AVEN: variants seen among roughly 807,000 people sequenced by gnomAD.
AVEN encodes apoptosis and caspase activation inhibitor, also known as cell death regulator Aven.
A neutral mutation model predicts 38.1 loss-of-function variants in AVEN; 41 were observed. The ratio of observed to expected loss-of-function variants is 1.08; its 90% confidence interval spans 0.84 to 1.40. The LOEUF is 1.40. AVEN is among the 40% of genes most tolerant of loss of function. AVEN has a pLI of 0.00. For missense variants in AVEN, 605 were observed against 438.8 expected (o/e 1.38, Z -3.38); for synonymous variants, 206 against 171.8 (o/e 1.20, Z -1.56).
At chr15:33,953,794 C>G (rs1057394299) in intron 2 of AVEN, among the ~76,000 whole-genome samples, 7 of 152,144 alleles carry the variant, frequency 4.6e-5, no homozygotes, top group Non-Finnish European at 8.8e-5. Context: ...CAAATGGGAT[C>G]TAATTAAACT....
downstream of AVEN, among the ~76,000 whole-genome samples, chr15:33,861,432 G>A (rs1285551021): frequency 6.6e-6 from 1 of 151,410 alleles, no homozygotes; most frequent in Non-Finnish European, 1.5e-5. Flanking sequence ...CATACCTCCA[G>A]CAATTTCTCT....
intron 2 of AVEN, among the ~76,000 whole-genome samples, chr15:33,886,498 T>C (rs528522538): frequency 6.0e-4 from 92 of 152,194 alleles, no homozygotes; most frequent in African/African-American, 1.9e-3. Flanking sequence ...AGAGATGGGG[T>C]TTCACCATGT....
intron 11 of AVEN, among the ~76,000 whole-genome samples, chr15:33,860,815 C>G (rs1054761831): frequency 2.0e-5 from 3 of 150,776 alleles, no homozygotes; most frequent in African/African-American, 7.5e-5. Context: ...TGCCATACCC[C>G]TGCCAGGCCG....
At chr15:33,875,351 G>A (rs1891173585) in intron 3 of AVEN, among the ~76,000 whole-genome samples, 1 of 152,156 alleles carries the variant, frequency 6.6e-6, no homozygotes, top group South Asian at 2.1e-4. Flanking sequence ...TATATGAAAA[G>A]AATTAGAGGA....
chr15:34,009,743 T>C (rs1897556068), intron 1 of AVEN, among the ~76,000 whole-genome samples: 4 of 152,120 alleles, frequency 2.6e-5, no homozygotes, highest in Admixed American at 1.3e-4. Flanking sequence ...ATCCCAATGC[T>C]TTGGGAGGCC....
chr15:33,985,637 C>T (rs1287414697), intron 2 of AVEN, among the ~76,000 whole-genome samples: 1 of 151,980 alleles, frequency 6.6e-6, no homozygotes, highest in African/African-American at 2.4e-5. Context: ...GAAAGGCAGG[C>T]ACTGTGTTGT....
intron 2 of AVEN, among the ~76,000 whole-genome samples, chr15:33,894,562 C>A (rs372259169): frequency 5.5e-5 from 8 of 145,736 alleles, no homozygotes; most frequent in African/African-American, 7.7e-5. Flanking sequence ...GGCTCACTAG[C>A]ACTTTGGGAG....
upstream of AVEN, among the ~76,000 whole-genome samples, chr15:34,042,368 G>C (rs1418933200): frequency 6.7e-6 from 1 of 149,188 alleles, no homozygotes; most frequent in Non-Finnish European, 1.5e-5. Flanking sequence ...TGTACTTTTT[G>C]CATATTTTTA....
chr15:33,929,967 C>T lies in AVEN; in HGVS notation c.446-53972G>A, dbSNP rs12591464. Among the ~76,000 whole-genome samples the T allele has an allele frequency of 4.4e-4, 67 of 152,122 alleles. No homozygotes were observed. The East Asian group carries it at 4.4e-3, about 10-fold the overall frequency. ...TATGCTCAATTATAACTGGTATAAC[C>T]GCCGCTTAAAAAAATATTCCTCCAG... On this transcript the variant is annotated intron_variant, in intron 2 of 5. Transcript: ENST00000306730.
At chr15:33,931,521 C>A (rs1893850510) in intron 2 of AVEN, among the ~76,000 whole-genome samples, 1 of 151,932 alleles carries the variant, frequency 6.6e-6, no homozygotes. Context: ...CAGGCACCCG[C>A]CACCACACCC....
chr15:33,852,701 C>A, the AVEN span: 1 of 204,882 alleles, frequency 4.9e-6, no homozygotes, highest in Non-Finnish European at 1.0e-5. Context: ...TTTTCTGTAG[C>A]ATTTTGTTTC....
At chr15:33,859,483 A>C in intron 11 of AVEN, 5 of 1,468,658 alleles carry the variant, frequency 3.4e-6, no homozygotes, top group Non-Finnish European at 3.8e-6. Context: ...TAGGGCTGCC[A>C]CAATCTGACC....
chr15:34,045,052 A>C (rs1001827126), intron 5 of AVEN, among the ~76,000 whole-genome samples: 4 of 152,218 alleles, frequency 2.6e-5, no homozygotes, highest in African/African-American at 9.6e-5. Flanking sequence ...TGTCTCAAAA[A>C]TTAGTAATAA....
At chr15:33,892,633 T>C (rs1892034819) in intron 2 of AVEN, among the ~76,000 whole-genome samples, 2 of 152,250 alleles carry the variant, frequency 1.3e-5, no homozygotes, top group South Asian at 2.1e-4. Flanking sequence ...CCTTGTAGTA[T>C]AGTTTGAAGT....
chr15:33,916,967 T>C (rs917547607), intron 2 of AVEN, among the ~76,000 whole-genome samples: 2 of 152,082 alleles, frequency 1.3e-5, no homozygotes, highest in Non-Finnish European at 2.9e-5. Flanking sequence ...AAGCCCCTTA[T>C]AAAACCATCA....
At chr15:33,901,313 T>A (rs555847466) in intron 2 of AVEN, among the ~76,000 whole-genome samples, 41 of 152,258 alleles carry the variant, frequency 2.7e-4, no homozygotes, top group South Asian at 4.1e-4. Flanking sequence ...AAAGGTATCA[T>A]GCCAACAAGG....
intron 2 of AVEN, among the ~76,000 whole-genome samples, chr15:33,947,909 T>G (rs1445420583): frequency 6.6e-6 from 1 of 152,112 alleles, no homozygotes; most frequent in Non-Finnish European, 1.5e-5. Context: ...GCAATAGATT[T>G]CTGCTAGGTA....
chr15:33,876,138 C>G, intron 2 of AVEN, 143 bp from the exon 3 acceptor site: 2 of 661,366 alleles, frequency 3.0e-6, no homozygotes, highest in South Asian at 3.9e-5. Context: ...GAACATACCT[C>G]CAACTCCATT....
chr15:33,967,259 A>G (rs528468431), intron 2 of AVEN, among the ~76,000 whole-genome samples: 1 of 152,236 alleles, frequency 6.6e-6, no homozygotes, highest in South Asian at 2.1e-4. Context: ...TTGGCTAACA[A>G]TTAAAGTGTA....
Sources: allele counts gnomAD v4.1 joint callset (sites outside exome capture counted in the v4.1 genomes callset), GRCh38; gene constraint gnomAD v4.1.1; transcripts MANE v1.5; gene names NCBI Gene and HGNC (gene_info 2026-07-23, HGNC 2026-07-21).